The following TMPPE variants were observed in gnomAD, a reference collection of about 807,000 sequenced individuals.
TMPPE encodes transmembrane protein with metallophosphoesterase domain.
A neutral mutation model predicts 22.6 loss-of-function variants in TMPPE; 16 were observed. The ratio of observed to expected loss-of-function variants is 0.71; its 90% CI spans 0.48 to 1.08. The LOEUF (loss-of-function observed/expected upper bound fraction) is 1.08. TMPPE is among the 50% of genes least tolerant of loss of function. The pLI, the probability that TMPPE is intolerant of heterozygous loss-of-function variation, is 0.00. For missense variants in TMPPE, 526 were observed against 584.3 expected, an observed-to-expected ratio of 0.90 and a Z score of 1.03; for synonymous variants, 240 against 245.3, an observed-to-expected ratio of 0.98 and a Z score of 0.20.
intron 1 of TMPPE, chr3:33,096,278 C>T: frequency 1.7e-6 from 1 of 603,542 alleles, no homozygotes; most frequent in Non-Finnish European, 2.1e-6. Flanking sequence ...CGCCTCAGCT[C>T]GGACGCAGCG....
In TMPPE at chr3:33,096,809, A is replaced by G; in HGVS notation, c.-199T>C. ...CGCACAAGCGACCGAGCTGCCTGGA[A>G]GGACGCGCGCCCCGCCCGGCCCGCC... On this transcript the variant is annotated 5_prime_UTR_variant, in exon 1 of 2. Transcript: ENST00000342462. 1 of 1,359,836 alleles carries G rather than the reference A, an allele frequency of 7.4e-7. No individual in the cohort carries two copies. The highest frequency in any genetic ancestry group is 9.4e-7 in the Non-Finnish European group (1 of 1,060,500). The allele number at this position is 1,359,836 out of a possible 1,614,324, so 84.2% of individuals were successfully genotyped here.
Position 33,091,446 on chromosome 3 carries a change from C to T in TMPPE, c.*1388G>A, listed in dbSNP as rs1700758584. The T allele has an allele frequency of 8.1e-6, 8 of 985,556 alleles. No individual in the cohort carries two copies. The highest frequency in any genetic ancestry group is 9.6e-6 in the Non-Finnish European group (8 of 830,020). 61.1% of individuals were successfully genotyped at this position (985,556 alleles called of 1,614,324 possible). A position where few individuals can be genotyped will look rare whatever the true frequency, so the allele number is the denominator to read the frequency against. ...ACCTGCCCCAGCAGCAGGCAGCTCG[C>T]TACCCACTCACATTCCCCAGGACTG... On this transcript the variant is annotated 3_prime_UTR_variant, in exon 2 of 2. Coordinates refer to ENST00000342462, the MANE Select transcript of TMPPE (RefSeq NM_001039770.3).
chr3:33,097,002 CA>C lies in TMPPE; in HGVS notation c.-393del. 1 of 1,611,350 alleles carries C rather than the reference CA, an allele frequency of 6.2e-7. No individual in the cohort carries two copies. Among genetic ancestry groups the C allele is most frequent in the South Asian group, 1.1e-5 (1 of 90,714 alleles). ...AATGCCTCCCCGTACCCGGGTCCCG[CA>C]GACTTACGCGCAAGCCGCGCGTAGG... On this transcript the variant is annotated 5_prime_UTR_variant, in exon 1 of 2. The change abolishes the stop of an existing upstream ORF in the 5' untranslated region. Coordinates refer to ENST00000342462, the MANE Select transcript of TMPPE (RefSeq NM_001039770.3).
chr3:33,094,850 TG>T (rs1700939422), intron 1 of TMPPE, among the ~76,000 whole-genome samples: 1 of 152,216 alleles, frequency 6.6e-6, no homozygotes, highest in Admixed American at 6.5e-5. Context: ...GAAATACTAT[TG>T]TTTTTCAAAT....
At chr3:33,094,354 AC>A in intron 1 of TMPPE, 51 bp from the exon 2 acceptor site, 1 of 1,401,462 alleles carries the variant, frequency 7.1e-7, no homozygotes, top group Non-Finnish European at 9.3e-7. Context: ...GTGTCCTTGT[AC>A]CCATTCAAAA....
chr3:33,094,132 C>G lies in TMPPE; in HGVS notation c.64G>C (p.Val22Leu), dbSNP rs149442180. 5.6e-6 allele frequency: 9 copies of G among 1,613,706 alleles called. No homozygotes were observed. Among genetic ancestry groups the G allele is most frequent in the African/African-American group, 4.0e-5 (3 of 74,942 alleles). ...TACGAGCGGGAGGCGATCATGGACA[C>G]GAAGACAGTGACAGCAGCCAGGGTG... Reference protein sequence around the residue: ...KATLAAVTVFVSMIASRSYLA... With the variant: ...KATLAAVTVFLSMIASRSYLA... The change falls in exon 2 of 2, where the codon GTG becomes CTG. Residue 22 changes from valine (V) to leucine (L), a missense_variant. By Grantham distance (32) the Val-to-Leu change is conservative. Coordinates refer to ENST00000342462, the MANE Select transcript of TMPPE (RefSeq NM_001039770.3).
At position 33,095,235 on chromosome 3, in the gene TMPPE, AG is replaced by A. The variant is rs1559424890; in HGVS notation, c.-108-933del. The stretch of plus-strand genomic sequence containing the variant: ...CAAAAAAAAAAAAAAAAAAAAAAAA[AG>A]GAATATTCTCTTAATTTCTAGGACA... On this transcript the variant is annotated intron_variant, in intron 1 of 1. Coordinates refer to ENST00000342462, the MANE Select transcript of TMPPE (RefSeq NM_001039770.3). 4.9e-3 allele frequency among the ~76,000 whole-genome samples: 691 copies of A among 140,416 alleles called. 7 individuals carry two copies. Among genetic ancestry groups the A allele is most frequent in the African/African-American group, 0.011 (407 of 38,530 alleles). The allele number at this position is 140,416 out of a possible 152,430, so 92.1% of individuals were successfully genotyped here. A position where few individuals can be genotyped will look rare whatever the true frequency, so the allele number is the denominator to read the frequency against.
rs1701011391 is a variant in TMPPE, at chr3:33,096,051, T to C, written c.-109+668A>G. Reference sequence around the variant, plus strand: ...ACTTTTCTCTGCCCTAGGCACGTTATTGAAAGCGTTATTAAAGGGTGTAAC... The same window carrying C: ...ACTTTTCTCTGCCCTAGGCACGTTACTGAAAGCGTTATTAAAGGGTGTAAC... On this transcript the variant is annotated intron_variant, in intron 1 of 1. Coordinates refer to ENST00000342462, the MANE Select transcript of TMPPE (RefSeq NM_001039770.3). Among the ~76,000 whole-genome samples, 2 of 152,226 alleles carry C rather than the reference T, an allele frequency of 1.3e-5. 1 individual carries two copies. Among genetic ancestry groups the C allele is most frequent in the Admixed American group, 1.3e-4 (2 of 15,286 alleles).
chr3:33,096,878 G>C lies in TMPPE; in HGVS notation c.-268C>G. On this transcript the variant is annotated 5_prime_UTR_variant, in exon 1 of 2. Transcript: ENST00000342462. ...CCACTGCCTGCGTTCCGCCGGCCGC[G>C]AGCCTGCTGGGGGGCACTTCGGGGC... is the stretch of plus-strand genomic sequence containing the variant. The C allele has an allele frequency of 1.4e-6, 2 of 1,436,398 alleles. No homozygotes were observed. Among genetic ancestry groups the C allele is most frequent in the Non-Finnish European group, 9.1e-7 (1 of 1,093,954 alleles). 89.0% of individuals were successfully genotyped at this position (1,436,398 alleles called of 1,614,324 possible).
At position 33,091,024 on chromosome 3, in the gene TMPPE, A is replaced by G; in HGVS notation, c.*1810T>C. 1.0e-6 allele frequency: 1 copy of G among 985,448 alleles called. No homozygotes were observed. Among genetic ancestry groups the G allele is most frequent in the Non-Finnish European group, 1.2e-6 (1 of 829,926 alleles). 61.0% of individuals were successfully genotyped at this position (985,448 alleles called of 1,614,324 possible). A position where few individuals can be genotyped will look rare whatever the true frequency, so the allele number is the denominator to read the frequency against. ...AGAAACCAGTGAAATAACACGTAAC[A>G]GGTGAGTCAAACATTACCAGCCGCA... On this transcript the variant is annotated 3_prime_UTR_variant, in exon 2 of 2. Coordinates refer to ENST00000342462, the MANE Select transcript of TMPPE (RefSeq NM_001039770.3).
In TMPPE at chr3:33,094,110, G is replaced by C. The variant is rs375329469; in HGVS notation, c.86C>G (p.Ser29Trp). 1 of 1,614,240 alleles carries C rather than the reference G, an allele frequency of 6.2e-7. No homozygotes were observed. Among genetic ancestry groups the C allele is most frequent in the Non-Finnish European group, 8.5e-7 (1 of 1,180,034 alleles). ...GAGCTCAAGGCTCTCTGCCAGATAC[G>C]AGCGGGAGGCGATCATGGACACGAA... The part of the protein sequence containing the change: ...TVFVSMIASR[S>W]YLAESLELRA... Residue 29 changes from serine to tryptophan, a missense_variant, in exon 2 of 2, where the codon TCG (serine) becomes TGG (tryptophan). Physicochemically the swap from Ser to Trp is radical, Grantham distance 177. Coordinates refer to ENST00000342462, the MANE Select transcript of TMPPE (RefSeq NM_001039770.3).
At chr3:33,094,613 C>G (rs183106726) in intron 1 of TMPPE, among the ~76,000 whole-genome samples, 1 of 152,314 alleles carries the variant, frequency 6.6e-6, no homozygotes, top group East Asian at 1.9e-4. Flanking sequence ...CTTCAGGGGT[C>G]CAATTAGTCA....
At chr3:33,095,911 G>A (rs1357391833) in intron 1 of TMPPE, among the ~76,000 whole-genome samples, 5 of 152,122 alleles carry the variant, frequency 3.3e-5, no homozygotes, top group Non-Finnish European at 7.3e-5. Context: ...CCACAGACGG[G>A]GTGAAGAGGG....
intron 1 of TMPPE, among the ~76,000 whole-genome samples, chr3:33,094,937 A>C (rs1032133650): frequency 1.3e-5 from 2 of 152,232 alleles, no homozygotes; most frequent in South Asian, 4.1e-4. Context: ...AGGGCTGGGC[A>C]CAGTGGCTGA....
chr3:33,090,743 C>A lies in TMPPE; in HGVS notation c.*2091G>T. On this transcript the variant is annotated 3_prime_UTR_variant, in exon 2 of 2. Coordinates refer to ENST00000342462, the MANE Select transcript of TMPPE (RefSeq NM_001039770.3). ...TCTGCTGCAAAAATGTCCGCCGCGT[C>A]AGGGAATACAAACCACATACGAGAG... The A allele has an allele frequency of 4.1e-6, 4 of 985,366 alleles. No homozygotes were observed. The highest frequency in any genetic ancestry group is 4.8e-6 in the Non-Finnish European group (4 of 829,918). 61.0% of individuals were successfully genotyped at this position (985,366 alleles called of 1,614,324 possible). A position where few individuals can be genotyped will look rare whatever the true frequency, so the allele number is the denominator to read the frequency against.
rs767579497 is a variant in TMPPE, at chr3:33,096,967, G to A, written c.-357C>T. ...CCCCAGCCCGGTTCCCCGCCAGCCT[G>A]TCCCCTAGCAATGCCTCCCCGTACC... On this transcript the variant is annotated 5_prime_UTR_variant, in exon 1 of 2. Transcript: ENST00000342462. The A allele has an allele frequency of 6.2e-7, 1 of 1,602,760 alleles. No individual in the cohort carries two copies. Among genetic ancestry groups the A allele is most frequent in the Admixed American group, 1.7e-5 (1 of 58,488 alleles).
Position 33,092,792 on chromosome 3 carries a change from C to G in TMPPE, c.*42G>C. The G allele has an allele frequency of 1.3e-6, 2 of 1,542,338 alleles. No homozygotes were observed. Among genetic ancestry groups the G allele is most frequent in the Non-Finnish European group, 1.7e-6 (2 of 1,144,188 alleles). ...ACCACTCTGAAGCAGGATGGAGGGT[C>G]GAGGACAAGGGCAGGGCAGAGGTGC... On this transcript the variant is annotated 3_prime_UTR_variant, in exon 2 of 2. Transcript: ENST00000342462.
rs1300817754 is a variant in TMPPE, at chr3:33,096,772, G to A, written c.-162C>T. ...GAAGTGGATCCAAGCGCAAAGGGCG[G>A]CCGGAGCGGAACGCACAAGCGACCG... On this transcript the variant is annotated 5_prime_UTR_variant, in exon 1 of 2. Transcript: ENST00000342462. 1 of 1,326,750 alleles carries A rather than the reference G, an allele frequency of 7.5e-7. No individual in the cohort carries two copies. The allele number at this position is 1,326,750 out of a possible 1,614,324, so 82.2% of individuals were successfully genotyped here. A position where few individuals can be genotyped will look rare whatever the true frequency, so the allele number is the denominator to read the frequency against.
At position 33,096,989 on chromosome 3, in the gene TMPPE, T is replaced by TA. The variant is rs1171250060; in HGVS notation, c.-380dup. 6.2e-7 allele frequency: 1 copy of TA among 1,610,080 alleles called. No homozygotes were observed. Among genetic ancestry groups the TA allele is most frequent in the Non-Finnish European group, 8.5e-7 (1 of 1,178,150 alleles). ...CCTGTCCCCTAGCAATGCCTCCCCG[T>TA]ACCCGGGTCCCGCAGACTTACGCGC... On this transcript the variant is annotated 5_prime_UTR_variant, in exon 1 of 2. It removes the in-frame stop codon of an upstream open reading frame in the 5' UTR. Transcript: ENST00000342462.
Sources: allele counts gnomAD v4.1 joint callset (sites outside exome capture counted in the v4.1 genomes callset), GRCh38; gene constraint gnomAD v4.1.1; transcripts MANE v1.5; gene names NCBI Gene and HGNC (gene_info 2026-07-23, HGNC 2026-07-21).